The following AGAP1 variants were observed in gnomAD, a reference collection of about 807,000 sequenced individuals.
The protein encoded by AGAP1 is ArfGAP with GTPase domain, ankyrin repeat and PH domain 1, also known as arf-GAP with GTPase, ANK repeat and PH domain-containing protein 1.
Under a neutral mutation model 105.3 loss-of-function variants are expected in AGAP1, and 29 were observed. That is an observed-to-expected ratio of 0.28 (90% CI 0.21 to 0.38). The LOEUF (loss-of-function observed/expected upper bound fraction) is 0.38. Among genes scored for constraint, AGAP1 ranks in the 10% least tolerant of loss-of-function variants. The pLI is 1.00. For synonymous variants in AGAP1, 509 were observed against 485.9 expected (o/e 1.05, Z -0.63); for missense variants, 998 against 1,165.1 (o/e 0.86, Z 2.09).
At chr2:235,718,517 ATC>A in intron 3 of AGAP1, 1 of 630,950 alleles carries the variant, frequency 1.6e-6, no homozygotes, top group Non-Finnish European at 2.0e-6. Context: ...GTTTCATTTT[ATC>A]TTTTTCTTCA....
Position 235,723,076 on chromosome 2 carries a change from AT to A in AGAP1, c.310+5433del, listed in dbSNP as rs1293721355. ...GGTGGTGGTCATGGTTCTGCCAGTG[AT>A]GCTTTTGCAAGCTCTGCTGGTGTTC... On this transcript the variant is annotated intron_variant, in intron 3 of 17. Transcript: ENST00000304032. This position sits in a 1 kb window ranked among gnomAD's most constrained non-coding sequence, Gnocchi z 6.2. 3.9e-5 allele frequency among the ~76,000 whole-genome samples: 6 copies of A among 152,166 alleles called. No homozygotes were observed. Among genetic ancestry groups the A allele is most frequent in the African/African-American group, 1.2e-4 (5 of 41,438 alleles).
chr2:235,566,533 T>C lies in AGAP1; in HGVS notation c.163+71684T>C, dbSNP rs1574860180. The C allele has an allele frequency of 1.0e-6, 1 of 978,960 alleles. No homozygotes were observed. Among genetic ancestry groups the C allele is most frequent in the African/African-American group, 1.7e-5 (1 of 57,214 alleles). The allele number at this position is 978,960 out of a possible 1,614,324, so 60.6% of individuals were successfully genotyped here. A position where few individuals can be genotyped will look rare whatever the true frequency, so the allele number is the denominator to read the frequency against. On this transcript the variant is annotated intron_variant, in intron 1 of 17. Transcript: ENST00000304032. This position sits in a 1 kb window ranked among gnomAD's most constrained non-coding sequence, Gnocchi z 5.2. ...AAAAGCACAAATCATCAGTGCGCCG[T>C]ACGTTTTGGCCAGCACTTTATTTTA...
At position 235,692,559 on chromosome 2, in the gene AGAP1, C is replaced by CT. The variant is rs537917145; in HGVS notation, c.164-16619dup. 5.7e-3 allele frequency among the ~76,000 whole-genome samples: 865 copies of CT among 150,496 alleles called. 12 individuals carry two copies. Among genetic ancestry groups the CT allele is most frequent in the Middle Eastern group, 0.01 (3 of 294 alleles). ...TACTTCGCCCTGCTGCCCCTATGCT[C>CT]TCCCCCCTTGCCCTCCCCCCTTGCC... On this transcript the variant is annotated intron_variant, in intron 1 of 17. Transcript: ENST00000304032. The surrounding 1 kb of genome is among the most constrained non-coding windows in gnomAD (Gnocchi z 5.8).
chr2:235,559,467 A>G lies in AGAP1; in HGVS notation c.163+64618A>G, dbSNP rs939448387. Among the ~76,000 whole-genome samples the G allele has an allele frequency of 2.0e-5, 3 of 152,194 alleles. No homozygotes were observed. The highest frequency in any genetic ancestry group is 4.8e-5 in the African/African-American group (2 of 41,438). On this transcript the variant is annotated intron_variant, in intron 1 of 17. Transcript: ENST00000304032. The surrounding 1 kb of genome is among the most constrained non-coding windows in gnomAD (Gnocchi z 5.7). Reference sequence around the variant, plus strand: ...TTAGTGTCGGTATCTCTCATTGCGAACATTCTTCTCTAAGGTTGAAAATCA... The same window carrying G: ...TTAGTGTCGGTATCTCTCATTGCGAGCATTCTTCTCTAAGGTTGAAAATCA...
intron 1 of AGAP1, among the ~76,000 whole-genome samples, chr2:235,606,742 G>A (rs1392727881): frequency 6.6e-6 from 1 of 151,956 alleles, no homozygotes; most frequent in African/African-American, 2.4e-5. Flanking sequence ...GAGGGTCAGG[G>A]GATCGAGACC....
intron 1 of AGAP1, among the ~76,000 whole-genome samples, chr2:235,548,727 A>G (rs1368936476): frequency 6.6e-6 from 1 of 151,674 alleles, no homozygotes; most frequent in Non-Finnish European, 1.5e-5. Flanking sequence ...ACCCCAAAGC[A>G]CTGATTTTTG....
chr2:236,106,800 C>T (rs1322475918), intron 16 of AGAP1, among the ~76,000 whole-genome samples: 2 of 152,168 alleles, frequency 1.3e-5, no homozygotes, highest in African/African-American at 2.4e-5. Flanking sequence ...CAAGGTCTGG[C>T]TTCCTGATGG....
chr2:236,127,700 C>T lies in AGAP1; in HGVS notation c.*3578C>T, dbSNP rs1436370485. On this transcript the variant is annotated 3_prime_UTR_variant, in exon 18 of 18. Coordinates refer to ENST00000304032, the MANE Select transcript of AGAP1 (RefSeq NM_001037131.3). This position sits in a 1 kb window ranked among gnomAD's most constrained non-coding sequence, Gnocchi z 6.6. ...TTTGTGACATCTGCACATTTGGGGT[C>T]ATTCCCTATATCTGCATAGGAGCTA... 1 of 152,238 alleles carries T rather than the reference C, an allele frequency of 6.6e-6. No individual in the cohort carries two copies. Among genetic ancestry groups the T allele is most frequent in the Non-Finnish European group, 1.5e-5 (1 of 68,058 alleles). 9.4% of individuals were successfully genotyped at this position (152,238 alleles called of 1,614,324 possible). A position where few individuals can be genotyped will look rare whatever the true frequency, so the allele number is the denominator to read the frequency against.
At chr2:236,060,086 G>A (rs112097424) in intron 16 of AGAP1, among the ~76,000 whole-genome samples, 13 of 151,706 alleles carry the variant, frequency 8.6e-5, no homozygotes, top group Admixed American at 2.6e-4. Flanking sequence ...GCAAGACTTC[G>A]TCTCAAAACA....
chr2:235,593,648 A>G (rs2149217620), intron 1 of AGAP1, among the ~76,000 whole-genome samples: 1 of 152,256 alleles, frequency 6.6e-6, no homozygotes, highest in South Asian at 2.1e-4. Flanking sequence ...TGTGTATTCA[A>G]ATCGTGTAGC....
intron 6 of AGAP1, among the ~76,000 whole-genome samples, chr2:235,762,743 G>A (rs887972570): frequency 2.0e-5 from 3 of 152,126 alleles, no homozygotes; most frequent in Non-Finnish European, 4.4e-5. Context: ...CATAGTGGTG[G>A]GCACCTGTAA....
At position 235,976,507 on chromosome 2, in the gene AGAP1, G is replaced by A. The variant is rs1458022457; in HGVS notation, c.1645+7884G>A. Among the ~76,000 whole-genome samples the A allele has an allele frequency of 6.6e-6, 1 of 152,218 alleles. No individual in the cohort carries two copies. Among genetic ancestry groups the A allele is most frequent in the Non-Finnish European group, 1.5e-5 (1 of 68,040 alleles). Reference sequence around the variant, plus strand: ...TCCCATCGTGATGAACCGACGCACAGAAGGATGTTTGTAGTGTGGTTTTTG... The same window carrying A: ...TCCCATCGTGATGAACCGACGCACAAAAGGATGTTTGTAGTGTGGTTTTTG... On this transcript the variant is annotated intron_variant, in intron 13 of 17. Coordinates refer to ENST00000304032, the MANE Select transcript of AGAP1 (RefSeq NM_001037131.3). The surrounding 1 kb of genome is among the most constrained non-coding windows in gnomAD (Gnocchi z 4.5).
At chr2:235,693,331 CTTTA>C (rs1222121941) in intron 1 of AGAP1, among the ~76,000 whole-genome samples, 1 of 152,112 alleles carries the variant, frequency 6.6e-6, no homozygotes, top group Non-Finnish European at 1.5e-5. Context: ...GGGGCTGGGC[CTTTA>C]TGCCTGTCAC....
Position 235,690,893 on chromosome 2 carries a change from A to G in AGAP1, c.164-18286A>G, listed in dbSNP as rs1248740333. Among the ~76,000 whole-genome samples the G allele has an allele frequency of 6.6e-6, 1 of 152,232 alleles. No homozygotes were observed. The highest frequency in any genetic ancestry group is 2.4e-5 in the African/African-American group (1 of 41,464). ...TATTTTCAGAGTTCTAAATCCAGCC[A>G]TATAAATACTTCGGATCTGGCCTGA... On this transcript the variant is annotated intron_variant, in intron 1 of 17. Coordinates refer to ENST00000304032, the MANE Select transcript of AGAP1 (RefSeq NM_001037131.3). This position sits in a 1 kb window ranked among gnomAD's most constrained non-coding sequence, Gnocchi z 4.1.
At chr2:235,520,034 G>A (rs929396423) in intron 1 of AGAP1, among the ~76,000 whole-genome samples, 1 of 152,068 alleles carries the variant, frequency 6.6e-6, no homozygotes, top group African/African-American at 2.4e-5. Flanking sequence ...CGCCTGCCTC[G>A]GCCTCCCAAT....
intron 16 of AGAP1, among the ~76,000 whole-genome samples, chr2:236,075,446 G>T (rs1282429342): frequency 6.6e-6 from 1 of 152,160 alleles, no homozygotes; most frequent in Non-Finnish European, 1.5e-5. Flanking sequence ...AAGCCGCAAA[G>T]GGTCCCCGCT....
At chr2:235,835,927 A>G (rs1463938434) in intron 9 of AGAP1, among the ~76,000 whole-genome samples, 3 of 152,224 alleles carry the variant, frequency 2.0e-5, no homozygotes, top group African/African-American at 4.8e-5. Context: ...ATTCCGCCAT[A>G]TTTTGTATGG....
rs1368029035 is a variant in AGAP1, at chr2:235,739,944, C to T, written c.311-1019C>T. On this transcript the variant is annotated intron_variant, in intron 3 of 17. Transcript: ENST00000304032. This position sits in a 1 kb window ranked among gnomAD's most constrained non-coding sequence, Gnocchi z 5.3. ...TGGCAGCATTGTCCTCTGGGTCCAG[C>T]GATTTGGGGTTTAGACAGGGTTTCT... 6.6e-5 allele frequency among the ~76,000 whole-genome samples: 10 copies of T among 152,160 alleles called. No individual in the cohort carries two copies. The East Asian group carries it at 7.7e-4, about 12-fold the overall frequency.
At chr2:235,903,065 G>T (rs2051141115) in intron 10 of AGAP1, among the ~76,000 whole-genome samples, 1 of 152,120 alleles carries the variant, frequency 6.6e-6, no homozygotes, top group South Asian at 2.1e-4. Flanking sequence ...AAAAAGGCAA[G>T]TACTGTATCT....
Sources: allele counts gnomAD v4.1 joint callset (sites outside exome capture counted in the v4.1 genomes callset), GRCh38; gene constraint gnomAD v4.1.1; non-coding constraint Gnocchi (gnomAD v3.1); transcripts MANE v1.5; gene names NCBI Gene and HGNC (gene_info 2026-07-23, HGNC 2026-07-21).